The following SEMA3C variants were observed in gnomAD, a reference collection of about 807,000 sequenced individuals.
The protein encoded by SEMA3C is semaphorin-3C.
A neutral mutation model predicts 89.4 loss-of-function variants in SEMA3C; 47 were observed. That is an observed-to-expected ratio of 0.53 (90% CI 0.42 to 0.67). The LOEUF (loss-of-function observed/expected upper bound fraction) is 0.67, where lower values mean the gene tolerates loss of function less well. Ranked by LOEUF, SEMA3C falls within the 30% of genes least tolerant of loss-of-function variation. The pLI is 0.00. For synonymous variants in SEMA3C, 310 were observed against 320.2 expected (o/e 0.97, Z 0.34); for missense variants, 839 against 929.1 (o/e 0.90, Z 1.26).
intron 2 of SEMA3C, among the ~76,000 whole-genome samples, chr7:80,829,854 T>C (rs1279827984): frequency 6.6e-6 from 1 of 152,230 alleles, no homozygotes. Flanking sequence ...CTTTTGATTA[T>C]AATCTGAAGA....
chr7:80,748,473 G>A (rs1004914006), intron 17 of SEMA3C, among the ~76,000 whole-genome samples: 3 of 152,116 alleles, frequency 2.0e-5, no homozygotes, highest in Non-Finnish European at 2.9e-5. Flanking sequence ...GCAGAAAAAC[G>A]CTCTTTGTCA....
chr7:80,777,790 A>G (rs1434047509), intron 12 of SEMA3C, among the ~76,000 whole-genome samples: 1 of 152,200 alleles, frequency 6.6e-6, no homozygotes, highest in Non-Finnish European at 1.5e-5. Context: ...TGAAAAATAG[A>G]TTTCTGGGAC....
chr7:80,758,009 G>C (rs567933032), intron 15 of SEMA3C, among the ~76,000 whole-genome samples: 1 of 152,056 alleles, frequency 6.6e-6, no homozygotes, highest in African/African-American at 2.4e-5. Context: ...ATATAAATTA[G>C]GTGATACAAA....
chr7:80,781,010 C>T (rs1162294093), intron 12 of SEMA3C, among the ~76,000 whole-genome samples: 1 of 152,166 alleles, frequency 6.6e-6, no homozygotes, highest in Non-Finnish European at 1.5e-5. Context: ...GAACATACAT[C>T]CTTGCATTTT....
intron 1 of SEMA3C, among the ~76,000 whole-genome samples, 185 bp downstream of exon 1, chr7:80,918,643 G>C (rs547354017): frequency 4.6e-5 from 7 of 152,272 alleles, no homozygotes; most frequent in African/African-American, 1.7e-4. Context: ...CTCCGCAGGT[G>C]TCACCGCCTA....
chr7:80,817,538 C>T (rs1184358450), intron 5 of SEMA3C, among the ~76,000 whole-genome samples: 10 of 152,170 alleles, frequency 6.6e-5, no homozygotes, highest in Non-Finnish European at 1.3e-4. Flanking sequence ...ATGTACTTTC[C>T]TTAGTCAACA....
At chr7:80,858,180 G>A (rs1204658659) in intron 2 of SEMA3C, among the ~76,000 whole-genome samples, 1 of 152,100 alleles carries the variant, frequency 6.6e-6, no homozygotes, top group Non-Finnish European at 1.5e-5. Context: ...TGTATAAGGA[G>A]GAAGGCTTTC....
chr7:80,785,900 G>T (rs1788790816), intron 12 of SEMA3C, among the ~76,000 whole-genome samples: 1 of 152,338 alleles, frequency 6.6e-6, no homozygotes, highest in East Asian at 1.9e-4. Flanking sequence ...GAGCCACTGT[G>T]CCTGGCCACA....
chr7:80,870,280 T>C (rs769123135), intron 2 of SEMA3C, among the ~76,000 whole-genome samples: 11 of 152,200 alleles, frequency 7.2e-5, no homozygotes, highest in Non-Finnish European at 1.3e-4. Context: ...TCCTTTCTCT[T>C]CCATGCCTTG....
intron 4 of SEMA3C, among the ~76,000 whole-genome samples, chr7:80,822,529 A>G (rs913183744): frequency 6.6e-6 from 1 of 152,178 alleles, no homozygotes; most frequent in African/African-American, 2.4e-5. Flanking sequence ...AGAGGTAATT[A>G]CAGTTGGTCT....
intron 2 of SEMA3C, among the ~76,000 whole-genome samples, chr7:80,853,898 G>A (rs1790574061): frequency 1.3e-5 from 2 of 151,756 alleles, no homozygotes; most frequent in African/African-American, 4.8e-5. Context: ...ATATATGTGT[G>A]TGTGTGTGTG....
intron 2 of SEMA3C, among the ~76,000 whole-genome samples, chr7:80,847,051 T>C (rs1790407016): frequency 6.6e-6 from 1 of 152,196 alleles, no homozygotes; most frequent in Admixed American, 6.5e-5. Context: ...CTGAGTGTGC[T>C]GGACAAAATT....
intron 2 of SEMA3C, among the ~76,000 whole-genome samples, chr7:80,851,653 G>A (rs1451392925): frequency 6.6e-6 from 1 of 151,884 alleles, no homozygotes; most frequent in African/African-American, 2.4e-5. Flanking sequence ...CTAACTGAGT[G>A]CCAGAATCAG....
chr7:80,760,464 T>A (rs1788159951), intron 14 of SEMA3C, among the ~76,000 whole-genome samples: 1 of 152,218 alleles, frequency 6.6e-6, no homozygotes, highest in Non-Finnish European at 1.5e-5. Flanking sequence ...TGGCTTCTCG[T>A]TACTTGGGAA....
At chr7:80,832,579 A>T (rs1401526990) in intron 2 of SEMA3C, among the ~76,000 whole-genome samples, 2 of 152,154 alleles carry the variant, frequency 1.3e-5, no homozygotes, top group East Asian at 3.9e-4. Flanking sequence ...CTGCACGGCT[A>T]CTGAAAAAGG....
chr7:80,868,454 A>T (rs1790981639), intron 2 of SEMA3C, among the ~76,000 whole-genome samples: 1 of 151,998 alleles, frequency 6.6e-6, no homozygotes, highest in Non-Finnish European at 1.5e-5. Flanking sequence ...TTTTTGGTAG[A>T]GATGGAGTTT....
chr7:80,781,477 T>C (rs2117093201), intron 12 of SEMA3C, among the ~76,000 whole-genome samples: 1 of 152,344 alleles, frequency 6.6e-6, no homozygotes, highest in South Asian at 2.1e-4. Flanking sequence ...AACATTTCCT[T>C]CTATTTTCTA....
chr7:80,869,758 C>G (rs1045455469), intron 2 of SEMA3C, among the ~76,000 whole-genome samples: 9 of 152,076 alleles, frequency 5.9e-5, no homozygotes, highest in African/African-American at 1.9e-4. Flanking sequence ...TTTCTAGTTT[C>G]TGGGGTTCAG....
chr7:80,828,123 T>TACA (rs1789920440), intron 3 of SEMA3C, among the ~76,000 whole-genome samples: 2 of 152,202 alleles, frequency 1.3e-5, no homozygotes, highest in South Asian at 4.1e-4. Context: ...ATAATTAATC[T>TACA]ACATGTATTT....
Sources: gnomAD v4.1 joint callset for allele counts (sites outside exome capture counted in the v4.1 genomes callset) on GRCh38, gnomAD v4.1.1 for gene constraint, MANE v1.5 for transcripts, NCBI Gene and HGNC (gene_info 2026-07-23, HGNC 2026-07-21) for gene names.